EPHA6: variants seen among roughly 807,000 people sequenced by gnomAD.
The protein encoded by EPHA6 is EPH receptor A6, also known as ephrin type-A receptor 6.
Under a neutral mutation model 112.0 loss-of-function variants are expected in EPHA6, and 50 were observed. The ratio of observed to expected loss-of-function variants is 0.45; its 90% confidence interval spans 0.36 to 0.56. The LOEUF is 0.56. Ranked by LOEUF, EPHA6 falls within the 20% of genes least tolerant of loss-of-function variation. The pLI, the probability that EPHA6 is intolerant of heterozygous loss-of-function variation, is 0.00. For synonymous variants in EPHA6, 529 were observed against 490.7 expected (o/e 1.08, Z -1.03); for missense variants, 1,280 against 1,417.4 (o/e 0.90, Z 1.56).
chr3:97,377,348 C>T (rs2085430987), intron 5 of EPHA6, among the ~76,000 whole-genome samples: 1 of 152,176 alleles, frequency 6.6e-6, no homozygotes, highest in Non-Finnish European at 1.5e-5. Flanking sequence ...GATTCTGAGG[C>T]CTCCCCAGCC....
intron 16 of EPHA6, 96 bp from the exon 17 acceptor site, chr3:97,747,327 A>G (rs1367732329): frequency 5.5e-6 from 6 of 1,084,782 alleles, no homozygotes; most frequent in South Asian, 2.2e-5. Context: ...CATTAGATGT[A>G]AGAATATTGT....
chr3:97,054,820 T>C (rs1321994070), intron 3 of EPHA6, among the ~76,000 whole-genome samples: 1 of 152,148 alleles, frequency 6.6e-6, no homozygotes, highest in Non-Finnish European at 1.5e-5. Flanking sequence ...TATTTAAAGA[T>C]TCTAGGTTTC....
intron 5 of EPHA6, among the ~76,000 whole-genome samples, chr3:97,319,674 AAAAAAAC>A (rs1421400726): frequency 3.3e-5 from 5 of 151,064 alleles, no homozygotes; most frequent in Non-Finnish European, 7.4e-5. Context: ...TCTCAAAAAA[AAAAAAAC>A]AAAAAACAAA....
chr3:96,892,053 T>G (rs28604999), intron 2 of EPHA6, among the ~76,000 whole-genome samples: 47,511 of 152,122 alleles, frequency 0.31, 15,402 homozygotes, highest in African/African-American at 0.81. Flanking sequence ...GATTTATTTG[T>G]AAATAACATT....
intron 6 of EPHA6, among the ~76,000 whole-genome samples, chr3:97,411,048 GT>G (rs374244249): frequency 0.018 from 2,693 of 145,572 alleles, 63 homozygotes; most frequent in African/African-American, 0.055. Context: ...GAATCAGCAA[GT>G]TTTTTTTTTT....
chr3:96,853,566 A>G (rs1256789964), intron 1 of EPHA6, among the ~76,000 whole-genome samples: 2 of 152,024 alleles, frequency 1.3e-5, no homozygotes, highest in Non-Finnish European at 2.9e-5. Flanking sequence ...AAATAATTGA[A>G]ATAGTCTTGA....
intron 1 of EPHA6, among the ~76,000 whole-genome samples, chr3:96,862,232 G>T (rs2036049735): frequency 6.6e-6 from 1 of 151,776 alleles, no homozygotes; most frequent in African/African-American, 2.4e-5. Flanking sequence ...TTTGTTTATT[G>T]GTGTTTTTTA....
chr3:96,829,949 G>GCGCT (rs373416797), intron 1 of EPHA6, among the ~76,000 whole-genome samples: 1 of 136,034 alleles, frequency 7.4e-6, no homozygotes, highest in Admixed American at 7.0e-5. Flanking sequence ...GCGCGCGCGC[G>GCGCT]CACACACACA....
At chr3:97,293,767 C>T (rs74467861) in intron 5 of EPHA6, among the ~76,000 whole-genome samples, 2,101 of 152,322 alleles carry the variant, frequency 0.014, 48 homozygotes, top group African/African-American at 0.047. Flanking sequence ...TCACTGGGGA[C>T]CTGCCCCTTC....
intron 6 of EPHA6, among the ~76,000 whole-genome samples, chr3:97,427,948 G>A (rs563649971): frequency 2.0e-5 from 3 of 152,076 alleles, no homozygotes; most frequent in Non-Finnish European, 4.4e-5. Flanking sequence ...TGCTGTCTAT[G>A]GGGCACTATG....
At chr3:96,918,638 T>C (rs1181261299) in intron 2 of EPHA6, among the ~76,000 whole-genome samples, 3 of 152,060 alleles carry the variant, frequency 2.0e-5, no homozygotes, top group Non-Finnish European at 4.4e-5. Flanking sequence ...AGGTAATTTA[T>C]AGTTGGTTTT....
intron 2 of EPHA6, among the ~76,000 whole-genome samples, chr3:96,894,822 G>A (rs1181787535): frequency 6.6e-6 from 1 of 152,092 alleles, no homozygotes; most frequent in Non-Finnish European, 1.5e-5. Context: ...AGAAACAAAA[G>A]CAAAGGAAAG....
At chr3:96,817,757 C>T (rs1047340177) in intron 1 of EPHA6, among the ~76,000 whole-genome samples, 1 of 151,804 alleles carries the variant, frequency 6.6e-6, no homozygotes, top group African/African-American at 2.4e-5. Context: ...TTCCCACAAC[C>T]CCCACCCCAA....
intron 11 of EPHA6, among the ~76,000 whole-genome samples, chr3:97,558,934 C>T (rs1323320838): frequency 1.3e-5 from 2 of 151,910 alleles, no homozygotes; most frequent in Non-Finnish European, 2.9e-5. Flanking sequence ...TAAAATAGTG[C>T]TTATTGATAA....
intron 14 of EPHA6, among the ~76,000 whole-genome samples, chr3:97,660,128 A>G (rs1418364258): frequency 4.6e-5 from 7 of 152,170 alleles, no homozygotes; most frequent in African/African-American, 1.7e-4. Context: ...TTGAAACCCT[A>G]TAAAACATTG....
At chr3:96,864,956 A>G (rs1035804093) in intron 1 of EPHA6, among the ~76,000 whole-genome samples, 1 of 152,090 alleles carries the variant, frequency 6.6e-6, no homozygotes, top group African/African-American at 2.4e-5. Flanking sequence ...GTGAAATGAT[A>G]AGATTCCTGA....
chr3:97,267,332 C>A (rs996147004), intron 5 of EPHA6, among the ~76,000 whole-genome samples: 15 of 151,960 alleles, frequency 9.9e-5, no homozygotes, highest in Admixed American at 9.8e-4. Context: ...GAGATACTTT[C>A]TTGCACCCAC....
chr3:97,356,394 TC>T (rs2084079548), intron 5 of EPHA6, among the ~76,000 whole-genome samples: 1 of 151,940 alleles, frequency 6.6e-6, no homozygotes, highest in Non-Finnish European at 1.5e-5. Flanking sequence ...CCCAAAACCA[TC>T]CCCCTCACCC....
chr3:97,258,375 G>A (rs942940897), intron 5 of EPHA6, among the ~76,000 whole-genome samples: 1 of 151,870 alleles, frequency 6.6e-6, no homozygotes, highest in African/African-American at 2.4e-5. Context: ...GCCCCTTGGT[G>A]GTAAAGTGCT....
Sources: gnomAD v4.1 joint callset for allele counts (sites outside exome capture counted in the v4.1 genomes callset) on GRCh38, gnomAD v4.1.1 for gene constraint, MANE v1.5 for transcripts, NCBI Gene and HGNC (gene_info 2026-07-23, HGNC 2026-07-21) for gene names.